FAM219A: variants seen among roughly 807,000 people sequenced by gnomAD.
FAM219A encodes family with sequence similarity 219 member A, also known as protein FAM219A.
FAM219A carries 7 observed loss-of-function variants against 23.4 expected under a neutral mutation model. The observed-to-expected ratio is 0.30, with a 90% confidence interval of 0.17 to 0.56. The LOEUF is 0.56. Among genes scored for constraint, FAM219A ranks in the 20% least tolerant of loss-of-function variants. The pLI is 0.92. For synonymous variants in FAM219A, 93 were observed against 99.0 expected (o/e 0.94, Z 0.36); for missense variants, 166 against 246.9 (o/e 0.67, Z 2.20).
chr9:34,412,094 C>G (rs1821844228), intron 1 of FAM219A, among the ~76,000 whole-genome samples: 1 of 151,986 alleles, frequency 6.6e-6, no homozygotes, highest in Non-Finnish European at 1.5e-5. Context: ...AAGCCTTAAG[C>G]AGGGAGTAAC....
chr9:34,406,053 C>T (rs1821625894), intron 1 of FAM219A, 89 bp from the exon 2 acceptor site: 1 of 1,309,660 alleles, frequency 7.6e-7, no homozygotes, highest in Non-Finnish European at 1.0e-6. Flanking sequence ...TCCCACCTGC[C>T]CTCTGGGCTT....
intron 1 of FAM219A, among the ~76,000 whole-genome samples, chr9:34,411,812 G>A (rs1821835048): frequency 6.6e-6 from 1 of 152,196 alleles, no homozygotes; most frequent in African/African-American, 2.4e-5. Context: ...GGTGGTCAAA[G>A]GAGACACTTG....
At chr9:34,439,473 G>A (rs1189775606) in intron 1 of FAM219A, among the ~76,000 whole-genome samples, 1 of 152,086 alleles carries the variant, frequency 6.6e-6, no homozygotes, top group Non-Finnish European at 1.5e-5. Context: ...CCTTCAAAAG[G>A]ACCCACGTTA....
intron 1 of FAM219A, among the ~76,000 whole-genome samples, chr9:34,437,502 T>TA (rs1822965814): frequency 6.6e-6 from 1 of 152,206 alleles, no homozygotes; most frequent in Non-Finnish European, 1.5e-5. Context: ...AGAGTTGAAT[T>TA]AACCAGGGCC....
rs1821310169 is a variant in FAM219A, at chr9:34,398,714, G to C, written c.*2250C>G. 1 of 249,132 alleles carries C rather than the reference G, an allele frequency of 4.0e-6. No homozygotes were observed. Among genetic ancestry groups the C allele is most frequent in the Admixed American group, 4.7e-5 (1 of 21,214 alleles). 15.4% of individuals were successfully genotyped at this position (249,132 alleles called of 1,614,324 possible). A position where few individuals can be genotyped will look rare whatever the true frequency, so the allele number is the denominator to read the frequency against. ...AAAAAGAGGAGGTACCCATGTTCTA[G>C]AAAGGTGAGCCAAGGAGCCCCGGGG... On this transcript the variant is annotated 3_prime_UTR_variant, in exon 6 of 6. Coordinates refer to ENST00000651358, the MANE Select transcript of FAM219A (RefSeq NM_001184940.2).
chr9:34,441,190 G>A (rs768348025), intron 1 of FAM219A, among the ~76,000 whole-genome samples: 24 of 152,198 alleles, frequency 1.6e-4, no homozygotes, highest in Non-Finnish European at 2.9e-4. Context: ...GGGGCAGGAA[G>A]CTCAGGAAAC....
At chr9:34,405,575 C>A (rs576862109) in intron 2 of FAM219A, among the ~76,000 whole-genome samples, 28 of 152,270 alleles carry the variant, frequency 1.8e-4, no homozygotes, top group African/African-American at 6.7e-4. Flanking sequence ...GATGGGACTT[C>A]CAAGTCCTCT....
intron 1 of FAM219A, among the ~76,000 whole-genome samples, chr9:34,431,788 A>G (rs186556023): frequency 3.8e-4 from 58 of 152,382 alleles, no homozygotes; most frequent in African/African-American, 1.3e-3. Context: ...TAAGCACAAA[A>G]GAAAAAGGAA....
rs45623233 is a variant in FAM219A, at chr9:34,400,607, G to A, written c.*357C>T. ...TCGCTGGGGTGGGGCCAAGCCCCTGGCTTTGTGATCCCCCCACTCGTTAAT... is the reference window on the plus strand; with the variant it reads ...TCGCTGGGGTGGGGCCAAGCCCCTGACTTTGTGATCCCCCCACTCGTTAAT... On this transcript the variant is annotated 3_prime_UTR_variant, in exon 6 of 6. Coordinates refer to ENST00000651358, the MANE Select transcript of FAM219A (RefSeq NM_001184940.2). 0.1 allele frequency: 18,896 copies of A among 189,438 alleles called. 1,152 individuals carry two copies. Among genetic ancestry groups the A allele is most frequent in the South Asian group, 0.15 (816 of 5,446 alleles). 11.7% of individuals were successfully genotyped at this position (189,438 alleles called of 1,614,324 possible).
intron 1 of FAM219A, among the ~76,000 whole-genome samples, chr9:34,423,799 AG>A (rs2131968775): frequency 6.6e-6 from 1 of 152,284 alleles, no homozygotes; most frequent in East Asian, 1.9e-4. Context: ...AAACATGTTG[AG>A]GTCAAACCGC....
At position 34,398,593 on chromosome 9, in the gene FAM219A, A is replaced by G. The variant is rs1215847545; in HGVS notation, c.*2371T>C. The G allele has an allele frequency of 1.9e-5, 11 of 564,942 alleles. No homozygotes were observed. The highest frequency in any genetic ancestry group is 1.5e-4 in the South Asian group (7 of 45,834). The allele number at this position is 564,942 out of a possible 1,614,324, so 35.0% of individuals were successfully genotyped here. A position where few individuals can be genotyped will look rare whatever the true frequency, so the allele number is the denominator to read the frequency against. On this transcript the variant is annotated 3_prime_UTR_variant, in exon 6 of 6. Coordinates refer to ENST00000651358, the MANE Select transcript of FAM219A (RefSeq NM_001184940.2). ...GAACTAGTATGTCCTGTGGGGGGGG[A>G]GATTTTCCCTGGTGTCTCAGGGCCA...
intron 1 of FAM219A, among the ~76,000 whole-genome samples, chr9:34,445,944 G>A (rs998815562): frequency 6.6e-6 from 1 of 152,174 alleles, no homozygotes; most frequent in Non-Finnish European, 1.5e-5. Context: ...GGAGTCCGAG[G>A]CAAGAAGATC....
chr9:34,406,831 CTTGCT>C (rs1381503884), intron 1 of FAM219A, among the ~76,000 whole-genome samples: 4 of 133,728 alleles, frequency 3.0e-5, no homozygotes, highest in Non-Finnish European at 6.2e-5. Context: ...GAGACGGAGT[CTTGCT>C]TTGTTGCCCA....
At chr9:34,429,564 A>T (rs1381804099) in intron 1 of FAM219A, among the ~76,000 whole-genome samples, 1 of 152,146 alleles carries the variant, frequency 6.6e-6, no homozygotes, top group Non-Finnish European at 1.5e-5. Context: ...CTCCTCACAC[A>T]TGACTTGGGG....
In FAM219A at chr9:34,402,391, C is replaced by T; in HGVS notation, c.340G>A (p.Asp114Asn). ...DEKPLVALDT[D>N]SDDDFDMSRY... ...CCCCCAAGCCCCCATACACACCTGT[C>T]CGTGTCAAGGGCTACCAGTGGCTTC... The change falls in exon 4 of 6, where the codon GAC becomes AAC. Residue 114 changes from aspartate (D) to asparagine (N), a missense_variant. By Grantham distance (23) the Asp-to-Asn change is conservative. Coordinates refer to ENST00000651358, the MANE Select transcript of FAM219A (RefSeq NM_001184940.2). The T allele has an allele frequency of 6.2e-7, 1 of 1,614,220 alleles. No homozygotes were observed. The highest frequency in any genetic ancestry group is 8.5e-7 in the Non-Finnish European group (1 of 1,180,040).
At chr9:34,453,431 C>T (rs897948009) in intron 1 of FAM219A, among the ~76,000 whole-genome samples, 3 of 152,162 alleles carry the variant, frequency 2.0e-5, no homozygotes, top group Non-Finnish European at 4.4e-5. Flanking sequence ...TCCTCACCCT[C>T]TCCCAAAGCA....
At chr9:34,412,040 G>A (rs1821842078) in intron 1 of FAM219A, among the ~76,000 whole-genome samples, 1 of 152,150 alleles carries the variant, frequency 6.6e-6, no homozygotes, top group South Asian at 2.1e-4. Flanking sequence ...TGGAAGGTGG[G>A]CTTTGATTTT....
rs566136832 is a variant in FAM219A, at chr9:34,449,670, A to G, written c.60+8534T>C. Among the ~76,000 whole-genome samples, 4 of 152,386 alleles carry G rather than the reference A, an allele frequency of 2.6e-5. No individual in the cohort carries two copies. The East Asian group carries it at 7.7e-4, about 29-fold the overall frequency. On this transcript the variant is annotated intron_variant, in intron 1 of 5. Transcript: ENST00000651358. The stretch of plus-strand genomic sequence containing the variant: ...CTAATTTCTAAGCTAAAGTTTTCCA[A>G]AGAGTATTTCCCATGAAACACATTG...
Position 34,402,419 on chromosome 9 carries a change from A to G in FAM219A, c.312T>C (p.Asp104=). The change falls in exon 4 of 6, where the codon GAT becomes GAC. Residue 104 remains aspartate, a synonymous_variant. Transcript: ENST00000651358. The stretch of plus-strand genomic sequence containing the variant: ...TGTCAAGGGCTACCAGTGGCTTCTC[A>G]TCAGGGCTCTGGTCAAGTGAGGAGT... ...KGYSSLDQSP[D]EKPLVALDTD... is the part of the protein sequence containing the mutation. 1.9e-6 allele frequency: 3 copies of G among 1,613,684 alleles called. No individual in the cohort carries two copies. The highest frequency in any genetic ancestry group is 1.7e-6 in the Non-Finnish European group (2 of 1,179,582).
Sources: gnomAD v4.1 joint callset for allele counts (sites outside exome capture counted in the v4.1 genomes callset) on GRCh38, gnomAD v4.1.1 for gene constraint, MANE v1.5 for transcripts, NCBI Gene and HGNC (gene_info 2026-07-23, HGNC 2026-07-21) for gene names.